The following PPP2R2C variants were observed in gnomAD, a reference collection of about 807,000 sequenced individuals.
PPP2R2C encodes protein phosphatase 2 regulatory subunit Bgamma, also known as protein phosphatase 2, regulatory subunit B, gamma.
A neutral mutation model predicts 45.3 loss-of-function variants in PPP2R2C; 10 were observed. The observed-to-expected ratio is 0.22, with a 90% confidence interval of 0.14 to 0.37. The LOEUF (loss-of-function observed/expected upper bound fraction) is 0.37. Among genes scored for constraint, PPP2R2C ranks in the 10% least tolerant of loss-of-function variants. The probability of loss-of-function intolerance (pLI) is 1.00; values close to 1 mark genes in which losing one functional copy is unlikely to be tolerated. For missense variants in PPP2R2C, 308 were observed against 619.7 expected (o/e 0.50, Z 5.34); for synonymous variants, 257 against 245.4 (o/e 1.05, Z -0.44).
chr4:6,410,099 G>A (rs1170364239), intron 1 of PPP2R2C, among the ~76,000 whole-genome samples: 1 of 152,176 alleles, frequency 6.6e-6, no homozygotes, highest in Admixed American at 6.5e-5. Flanking sequence ...AGACACCCCT[G>A]CTCAGAAGCA....
At chr4:6,450,620 C>G (rs1366827138) in intron 1 of PPP2R2C, among the ~76,000 whole-genome samples, 1 of 152,162 alleles carries the variant, frequency 6.6e-6, no homozygotes, top group Non-Finnish European at 1.5e-5. Flanking sequence ...CAGCACCCAC[C>G]CAGGCAGCTG....
intron 1 of PPP2R2C, among the ~76,000 whole-genome samples, chr4:6,433,130 A>C (rs1719711660): frequency 6.6e-6 from 1 of 152,144 alleles, no homozygotes; most frequent in Non-Finnish European, 1.5e-5. Flanking sequence ...AGAGGAGGCT[A>C]TTAGTTAAGT....
intron 1 of PPP2R2C, among the ~76,000 whole-genome samples, chr4:6,550,443 T>C (rs10937742): frequency 0.37 from 56,086 of 152,058 alleles, 12,228 homozygotes; most frequent in East Asian, 0.76. Flanking sequence ...CACCCTTCAC[T>C]AACAAGCCAT....
intron 1 of PPP2R2C, among the ~76,000 whole-genome samples, chr4:6,548,825 G>A (rs534562659): frequency 6.6e-6 from 1 of 152,212 alleles, no homozygotes; most frequent in South Asian, 2.1e-4. Flanking sequence ...GCAGTCAAGC[G>A]ACTGCCTGCC....
chr4:6,384,282 G>A lies in PPP2R2C; in HGVS notation c.71-3188C>T, dbSNP rs754936593. The A allele has an allele frequency of 5.8e-5, 57 of 985,238 alleles. No individual in the cohort carries two copies. In the African/African-American group the frequency reaches 9.4e-4, roughly 16 times the overall value. 61.0% of individuals were successfully genotyped at this position (985,238 alleles called of 1,614,324 possible). Reference sequence around the variant, plus strand: ...GGGTGAAGGAACGGGATATAAAATTGGGTATAAAATGCTTGTAATGATCTA... The same window carrying A: ...GGGTGAAGGAACGGGATATAAAATTAGGTATAAAATGCTTGTAATGATCTA... On this transcript the variant is annotated intron_variant, in intron 1 of 8. Coordinates refer to ENST00000382599, the MANE Select transcript of PPP2R2C (RefSeq NM_020416.4).
intron 2 of PPP2R2C, among the ~76,000 whole-genome samples, chr4:6,533,846 G>A (rs1453568965): frequency 4.6e-5 from 7 of 152,080 alleles, no homozygotes; most frequent in African/African-American, 9.6e-5. Context: ...CAGGCTGCTC[G>A]GTGAAAAGGT....
chr4:6,479,100 C>T (rs1243454247), intron 2 of PPP2R2C, among the ~76,000 whole-genome samples: 1 of 152,246 alleles, frequency 6.6e-6, no homozygotes, highest in African/African-American at 2.4e-5. Flanking sequence ...ACAGGACCCA[C>T]TTTACAAATG....
upstream of PPP2R2C, among the ~76,000 whole-genome samples, chr4:6,476,962 C>T (rs937303964): frequency 2.0e-5 from 3 of 152,090 alleles, no homozygotes; most frequent in Non-Finnish European, 2.9e-5. Context: ...TTCATGTGTA[C>T]ACAATTCTGG....
At chr4:6,377,142 T>G (rs932008960) in intron 3 of PPP2R2C, among the ~76,000 whole-genome samples, 1 of 152,202 alleles carries the variant, frequency 6.6e-6, no homozygotes, top group African/African-American at 2.4e-5. Flanking sequence ...CCTAGCCATG[T>G]TCGGGAGAGC....
At chr4:6,544,166 G>A (rs1724899490) in intron 1 of PPP2R2C, among the ~76,000 whole-genome samples, 1 of 152,210 alleles carries the variant, frequency 6.6e-6, no homozygotes, top group South Asian at 2.1e-4. Context: ...GAAAGACAGT[G>A]GAGCCTGGTT....
At chr4:6,486,414 C>T (rs1722528771) in intron 2 of PPP2R2C, among the ~76,000 whole-genome samples, 1 of 151,960 alleles carries the variant, frequency 6.6e-6, no homozygotes, top group South Asian at 2.1e-4. Context: ...TTGTTCATAT[C>T]TTCTATTTTC....
At chr4:6,467,286 G>A (rs567710702) in intron 1 of PPP2R2C, among the ~76,000 whole-genome samples, 2 of 152,250 alleles carry the variant, frequency 1.3e-5, no homozygotes, top group African/African-American at 4.8e-5. Context: ...CCATAGGTTG[G>A]GGTGGAAGTT....
chr4:6,347,774 C>T (rs1712132436), intron 6 of PPP2R2C, 72 bp downstream of exon 6: 1 of 1,466,744 alleles, frequency 6.8e-7, no homozygotes, highest in Admixed American at 2.0e-5. Context: ...GCAGCAGCTG[C>T]ACCAGGACAG....
intron 2 of PPP2R2C, among the ~76,000 whole-genome samples, chr4:6,487,076 T>A (rs1722552890): frequency 2.0e-5 from 3 of 152,048 alleles, no homozygotes; most frequent in Admixed American, 1.3e-4. Flanking sequence ...TACCTTCAGG[T>A]GATATTATAG....
rs1711775282 is a variant in PPP2R2C at position 6,345,486 on chromosome 4, A to AG, written c.790+2359dup. Reference sequence around the variant, plus strand: ...GATGAGGAAGTCATCCTGGATCATTAGGGGTGGCAGGAACAAGGCGATCAC... The same window carrying AG: ...GATGAGGAAGTCATCCTGGATCATTAGGGGGTGGCAGGAACAAGGCGATCAC... On this transcript the variant is annotated intron_variant, in intron 6 of 8. Coordinates refer to ENST00000382599, the MANE Select transcript of PPP2R2C (RefSeq NM_020416.4). The surrounding 1 kb of genome is among the most constrained non-coding windows in gnomAD (Gnocchi z 5.3). 1.3e-5 allele frequency among the ~76,000 whole-genome samples: 2 copies of AG among 152,338 alleles called. No individual in the cohort carries two copies. Among genetic ancestry groups the AG allele is most frequent in the South Asian group, 4.1e-4 (2 of 4,828 alleles).
At chr4:6,428,373 A>G (rs1010875715) in intron 1 of PPP2R2C, among the ~76,000 whole-genome samples, 6 of 152,222 alleles carry the variant, frequency 3.9e-5, no homozygotes, top group African/African-American at 1.4e-4. Flanking sequence ...GCAAGCCTTA[A>G]GTTTCCAAGG....
chr4:6,438,066 T>C (rs1051681671), intron 1 of PPP2R2C, among the ~76,000 whole-genome samples: 2 of 152,244 alleles, frequency 1.3e-5, no homozygotes, highest in African/African-American at 4.8e-5. Context: ...AGAGTTCTCA[T>C]AAAACCTTCT....
chr4:6,527,726 A>C, intron 2 of PPP2R2C, among the ~76,000 whole-genome samples: 2 of 151,916 alleles, frequency 1.3e-5, no homozygotes, highest in African/African-American at 4.8e-5. Context: ...AAACCAAAAT[A>C]TGGGGCCCCA....
chr4:6,562,032 G>A (rs949774393), intron 1 of PPP2R2C, among the ~76,000 whole-genome samples: 3 of 152,170 alleles, frequency 2.0e-5, no homozygotes, highest in Admixed American at 6.5e-5. Flanking sequence ...TCCCAGGGGT[G>A]AGGACACCTG....
Sources: allele counts gnomAD v4.1 joint callset (sites outside exome capture counted in the v4.1 genomes callset), GRCh38; gene constraint gnomAD v4.1.1; non-coding constraint Gnocchi (gnomAD v3.1); transcripts MANE v1.5; gene names NCBI Gene and HGNC (gene_info 2026-07-23, HGNC 2026-07-21).